Variants in ZP3 observed in about 807,000 individuals in gnomAD.
ZP3 encodes zona pellucida glycoprotein 3.
Under a neutral mutation model 35.6 loss-of-function variants are expected in ZP3, and 21 were observed. That is an observed-to-expected ratio of 0.59 (90% CI 0.42 to 0.85). ZP3 has a LOEUF of 0.85. ZP3 is among the 40% of genes least tolerant of loss of function. ZP3 has a pLI of 0.00. For missense variants in ZP3, 437 were observed against 536.5 expected, an observed-to-expected ratio of 0.81 and a Z score of 1.83; for synonymous variants, 207 against 214.5, an observed-to-expected ratio of 0.96 and a Z score of 0.31.
At chr7:76,431,980 C>T (rs1805839752) in intron 2 of ZP3, among the ~76,000 whole-genome samples, 1 of 151,802 alleles carries the variant, frequency 6.6e-6, no homozygotes, top group Non-Finnish European at 1.5e-5. Context: ...GCTATCAGAC[C>T]CCAAACCTGA....
chr7:76,423,029 A>AGAGAGAGGG (rs767704641), upstream of ZP3, among the ~76,000 whole-genome samples: 2 of 55,604 alleles, frequency 3.6e-5, no homozygotes, highest in Admixed American at 2.0e-4. Flanking sequence ...GAGAGAGAGA[A>AGAGAGAGGG]AGAAAGAAAG....
chr7:76,420,906 C>CGT (rs55828330), upstream of ZP3, among the ~76,000 whole-genome samples: 26,953 of 144,440 alleles, frequency 0.19, 2,740 homozygotes, highest in East Asian at 0.28. Flanking sequence ...TATATTTCCA[C>CGT]GTGTGTGTGT....
intron 1 of ZP3, among the ~76,000 whole-genome samples, chr7:76,412,962 C>CTTTTTTTTTTTTT (rs201143080): frequency 2.6e-5 from 3 of 113,758 alleles, no homozygotes; most frequent in African/African-American, 3.7e-5. Context: ...TCTTCTTCTT[C>CTTTTTTTTTTTTT]TTCTTTTTTT....
At chr7:76,425,854 C>T (rs1019148259) in intron 1 of ZP3, among the ~76,000 whole-genome samples, 3 of 151,972 alleles carry the variant, frequency 2.0e-5, no homozygotes, top group Non-Finnish European at 4.4e-5. Context: ...GCCTGTAATT[C>T]CAGCACTTTG....
intron 1 of ZP3, among the ~76,000 whole-genome samples, chr7:76,413,069 TCTC>T (rs1805288646): frequency 6.7e-6 from 1 of 149,206 alleles, no homozygotes; most frequent in Non-Finnish European, 1.5e-5. Flanking sequence ...TTCAAACGAT[TCTC>T]CTCCTTCAGC....
intron 1 of ZP3, among the ~76,000 whole-genome samples, chr7:76,418,997 T>C (rs73363115): frequency 0.045 from 6,890 of 152,226 alleles, 470 homozygotes; most frequent in African/African-American, 0.15. Flanking sequence ...TGGTTCCTCA[T>C]TGGCTGTGCA....
upstream of ZP3, among the ~76,000 whole-genome samples, chr7:76,423,375 A>G (rs760330508): frequency 3.9e-5 from 6 of 152,192 alleles, no homozygotes; most frequent in Non-Finnish European, 8.8e-5. Flanking sequence ...ACGTGAAGGT[A>G]TGCAGGTTGG....
At chr7:76,412,962 C>CTTTTTTTTTTTTTTT (rs201143080) in intron 1 of ZP3, among the ~76,000 whole-genome samples, 3 of 113,758 alleles carry the variant, frequency 2.6e-5, no homozygotes, top group Non-Finnish European at 5.1e-5. Flanking sequence ...TCTTCTTCTT[C>CTTTTTTTTTTTTTTT]TTCTTTTTTT....
At chr7:76,400,368 T>C (rs1384612702) in intron 1 of ZP3, 4 of 1,586,818 alleles carry the variant, frequency 2.5e-6, no homozygotes, top group Non-Finnish European at 3.4e-6. Context: ...TCAGCGCAGC[T>C]TCCTGCCCGC....
rs374530595 is a variant in ZP3 at position 76,440,612 on chromosome 7, G to A, written c.1060+1G>A. On this transcript the variant is annotated splice_donor_variant, in intron 7 of 7. Transcript: ENST00000394857. LOFTEE classifies it high-confidence loss of function. ...TCTGCTTCCCGTAACCGCAGGCATG[G>A]TATGTCACAGAATGGCCAAGAGGCT... 1 of 1,609,666 alleles carries A rather than the reference G, an allele frequency of 6.2e-7. No homozygotes were observed. Among genetic ancestry groups the A allele is most frequent in the Non-Finnish European group, 8.5e-7 (1 of 1,176,902 alleles).
chr7:76,418,583 A>G (rs7808402), intron 1 of ZP3, among the ~76,000 whole-genome samples: 86,900 of 133,790 alleles, frequency 0.65, 28,884 homozygotes, highest in African/African-American at 0.77. Flanking sequence ...AAGGCTGGGC[A>G]CAGTGGCTCA....
At chr7:76,436,952 C>T (rs1799222) in intron 5 of ZP3, among the ~76,000 whole-genome samples, 79,689 of 146,712 alleles carry the variant, frequency 0.54, 17,839 homozygotes, top group South Asian at 0.62. Context: ...GGAGGGCCCC[C>T]CTTCAAAGGT....
intron 5 of ZP3, among the ~76,000 whole-genome samples, chr7:76,436,886 A>AG (rs1349500452): frequency 3.3e-5 from 5 of 152,344 alleles, no homozygotes; most frequent in African/African-American, 1.2e-4. Context: ...CTGGGGGTTG[A>AG]GGGGTAACTA....
chr7:76,401,427 T>G (rs1804825733), intron 1 of ZP3, among the ~76,000 whole-genome samples: 1 of 152,122 alleles, frequency 6.6e-6, no homozygotes, highest in Admixed American at 6.6e-5. Context: ...TTTTCTTTTC[T>G]TTTTTTGAGA....
intron 3 of ZP3, among the ~76,000 whole-genome samples, 164 bp from the exon 4 acceptor site, chr7:76,433,306 C>T (rs28427180): frequency 0.19 from 29,586 of 152,012 alleles, 3,149 homozygotes; most frequent in South Asian, 0.28. Flanking sequence ...AGGCTTCTGA[C>T]ACCACACCCA....
At chr7:76,433,906 C>T (rs1181970940) in intron 4 of ZP3, 132 bp from the exon 5 acceptor site, 27 of 840,110 alleles carry the variant, frequency 3.2e-5, no homozygotes, top group Non-Finnish European at 5.0e-5. Flanking sequence ...ACCATGTTTG[C>T]CAGGCTAGTC....
At chr7:76,441,094 C>T (rs909709597) in intron 7 of ZP3, among the ~76,000 whole-genome samples, 1 of 150,916 alleles carries the variant, frequency 6.6e-6, no homozygotes, top group Non-Finnish European at 1.5e-5. Flanking sequence ...TCACTTGAAT[C>T]TGGGAGGCAG....
intron 1 of ZP3, chr7:76,409,810 G>A (rs1805191992): frequency 6.6e-6 from 1 of 151,912 alleles, no homozygotes; most frequent in African/African-American, 2.4e-5. Context: ...TTTCAGGAAG[G>A]CCTGGATAGG....
At chr7:76,409,018 A>G (rs1248883115) in intron 1 of ZP3, among the ~76,000 whole-genome samples, 2 of 152,162 alleles carry the variant, frequency 1.3e-5, no homozygotes, top group Non-Finnish European at 2.9e-5. Context: ...GCCAAGTTCA[A>G]TGAGCAAATG....
Sources: allele counts gnomAD v4.1 joint callset (sites outside exome capture counted in the v4.1 genomes callset), GRCh38; gene constraint gnomAD v4.1.1; transcripts MANE v1.5; gene names NCBI Gene and HGNC (gene_info 2026-07-23, HGNC 2026-07-21).